The following PCDH15 variants were observed in gnomAD, a reference collection of about 807,000 sequenced individuals.
The protein encoded by PCDH15 is protocadherin-15.
PCDH15 carries 129 observed loss-of-function variants against 178.5 expected under a neutral mutation model. The observed-to-expected ratio is 0.72, with a 90% confidence interval of 0.63 to 0.84. The LOEUF (loss-of-function observed/expected upper bound fraction) is 0.84. Ranked by LOEUF, PCDH15 falls within the 40% of genes least tolerant of loss-of-function variation. PCDH15 has a pLI of 0.00. For missense variants in PCDH15, 2,230 were observed against 2,099.9 expected (o/e 1.06, Z -1.21); for synonymous variants, 800 against 732.0 (o/e 1.09, Z -1.50).
intron 2 of PCDH15, among the ~76,000 whole-genome samples, chr10:55,593,951 T>C (rs1448635766): frequency 2.0e-5 from 3 of 151,880 alleles, no homozygotes; most frequent in Non-Finnish European, 4.4e-5. Flanking sequence ...TTAGTATTAA[T>C]TGAAGGAAAC....
intron 9 of PCDH15, among the ~76,000 whole-genome samples, chr10:54,228,591 C>T (rs1440469396): frequency 6.6e-6 from 1 of 152,086 alleles, no homozygotes; most frequent in African/African-American, 2.4e-5. Flanking sequence ...GTCCAGAGGC[C>T]TAAGAACCAG....
At chr10:55,212,578 T>G (rs1373419736) in intron 1 of PCDH15, among the ~76,000 whole-genome samples, 1 of 151,994 alleles carries the variant, frequency 6.6e-6, no homozygotes, top group Non-Finnish European at 1.5e-5. Flanking sequence ...CAAGGGGAAC[T>G]TAACATCAGT....
chr10:55,576,101 T>C (rs959467023), intron 2 of PCDH15, among the ~76,000 whole-genome samples: 1 of 152,134 alleles, frequency 6.6e-6, no homozygotes, highest in African/African-American at 2.4e-5. Flanking sequence ...CAGTCCAAAA[T>C]TTGCATATAA....
At chr10:54,909,795 G>A (rs985723029) in intron 2 of PCDH15, among the ~76,000 whole-genome samples, 19 of 152,062 alleles carry the variant, frequency 1.2e-4, no homozygotes, top group African/African-American at 4.6e-4. Flanking sequence ...CACCACCTCG[G>A]ACCTGCTCCA....
chr10:54,360,448 CG>C (rs386743964), intron 5 of PCDH15, among the ~76,000 whole-genome samples: 112 of 152,084 alleles, frequency 7.4e-4, no homozygotes, highest in African/African-American at 2.0e-3. Flanking sequence ...GTGTGGTGAG[CG>C]GCAGGACCTA....
intron 23 of PCDH15, among the ~76,000 whole-genome samples, chr10:53,942,590 C>T (rs1264098068): frequency 6.6e-6 from 1 of 152,208 alleles, no homozygotes; most frequent in African/African-American, 2.4e-5. Flanking sequence ...CCATATGGAG[C>T]AGTCCTCGTG....
intron 2 of PCDH15, among the ~76,000 whole-genome samples, chr10:54,549,976 G>A (rs1409262929): frequency 6.6e-6 from 1 of 151,832 alleles, no homozygotes; most frequent in Non-Finnish European, 1.5e-5. Context: ...ATCTGGTCAG[G>A]CACCAGATTT....
At chr10:54,937,347 CA>C (rs1837933822) in intron 2 of PCDH15, among the ~76,000 whole-genome samples, 1 of 151,564 alleles carries the variant, frequency 6.6e-6, no homozygotes, top group Admixed American at 6.6e-5. Flanking sequence ...TCTGCAAGAA[CA>C]AAAAAAGCAC....
chr10:54,444,902 A>G (rs1006226035), intron 3 of PCDH15, among the ~76,000 whole-genome samples: 3 of 151,584 alleles, frequency 2.0e-5, no homozygotes, highest in Non-Finnish European at 4.4e-5. Context: ...ATGTGAGGAA[A>G]GCACTTTCTT....
intron 21 of PCDH15, among the ~76,000 whole-genome samples, chr10:53,980,179 C>G (rs1183968745): frequency 6.6e-6 from 1 of 150,616 alleles, no homozygotes; most frequent in Non-Finnish European, 1.5e-5. Context: ...TGAGATCACA[C>G]CACTACACTC....
At chr10:54,313,522 A>G (rs1308313758) in intron 8 of PCDH15, among the ~76,000 whole-genome samples, 2 of 152,100 alleles carry the variant, frequency 1.3e-5, no homozygotes, top group Admixed American at 1.3e-4. Flanking sequence ...GTGAATCTCC[A>G]ACTTAACCCA....
At chr10:53,978,620 A>G (rs1363374193) in intron 21 of PCDH15, among the ~76,000 whole-genome samples, 1 of 151,206 alleles carries the variant, frequency 6.6e-6, no homozygotes, top group Non-Finnish European at 1.5e-5. Flanking sequence ...TACTTACGCA[A>G]ATTTCTGCTG....
intron 2 of PCDH15, among the ~76,000 whole-genome samples, chr10:55,527,663 TATCAAATTTAATATTAA>T (rs1189095633): frequency 1.3e-5 from 2 of 151,966 alleles, no homozygotes; most frequent in Non-Finnish European, 2.9e-5. Context: ...TCAAACTTAA[TATCAAATTTAATATTAA>T]ATCAAAAAAG....
intron 14 of PCDH15, among the ~76,000 whole-genome samples, chr10:54,152,136 A>G: frequency 6.6e-6 from 1 of 152,296 alleles, no homozygotes; most frequent in South Asian, 2.1e-4. Context: ...AATACCTCCT[A>G]CTGTGTACTA....
intron 1 of PCDH15, among the ~76,000 whole-genome samples, chr10:55,287,692 T>G (rs1194535802): frequency 1.3e-5 from 2 of 152,050 alleles, no homozygotes; most frequent in African/African-American, 4.8e-5. Flanking sequence ...TGTATGTGTG[T>G]GTTTTAATTT....
chr10:54,787,400 A>G (rs756977029), intron 1 of PCDH15, among the ~76,000 whole-genome samples: 2 of 151,986 alleles, frequency 1.3e-5, no homozygotes, highest in African/African-American at 2.4e-5. Flanking sequence ...TTGACTTTTT[A>G]GAAAATATGT....
At chr10:54,759,488 G>C (rs958286357) in intron 1 of PCDH15, among the ~76,000 whole-genome samples, 1 of 151,954 alleles carries the variant, frequency 6.6e-6, no homozygotes, top group East Asian at 1.9e-4. Flanking sequence ...TGATATTTCT[G>C]TCTTCTCTCT....
At chr10:55,385,712 TATATATGC>T (rs1387174813) in intron 2 of PCDH15, among the ~76,000 whole-genome samples, 2 of 146,560 alleles carry the variant, frequency 1.4e-5, no homozygotes, top group Non-Finnish European at 3.0e-5. Flanking sequence ...TATATATATA[TATATATGC>T]ATATATATAT....
chr10:54,878,164 T>C (rs1363782974), intron 3 of PCDH15, among the ~76,000 whole-genome samples: 1 of 151,880 alleles, frequency 6.6e-6, no homozygotes, highest in African/African-American at 2.4e-5. Flanking sequence ...GGTTTCGCCA[T>C]GTTGTCCAGG....
Sources: allele counts gnomAD v4.1 joint callset (sites outside exome capture counted in the v4.1 genomes callset), GRCh38; gene constraint gnomAD v4.1.1; transcripts MANE v1.5; gene names NCBI Gene and HGNC (gene_info 2026-07-23, HGNC 2026-07-21).